Variants in CDH5 observed in about 807,000 individuals in gnomAD.
The protein encoded by CDH5 is cadherin 5.
Under a neutral mutation model 62.0 loss-of-function variants are expected in CDH5, and 28 were observed. The observed-to-expected ratio is 0.45, with a 90% CI of 0.33 to 0.62. CDH5 has a LOEUF of 0.62. Among genes scored for constraint, CDH5 ranks in the 20% least tolerant of loss-of-function variants. CDH5 has a pLI of 0.02. For missense variants in CDH5, 940 were observed against 1,065.1 expected, an observed-to-expected ratio of 0.88 and a Z score of 1.63; for synonymous variants, 464 against 445.8, an observed-to-expected ratio of 1.04 and a Z score of -0.52.
chr16:66,401,815 C>A (rs1238311741), intron 11 of CDH5, among the ~76,000 whole-genome samples: 2 of 152,184 alleles, frequency 1.3e-5, no homozygotes, highest in Non-Finnish European at 2.9e-5. Context: ...TTTCACTCGC[C>A]ATGAGACGCA....
chr16:66,398,299 G>A (rs1441672555), intron 9 of CDH5, among the ~76,000 whole-genome samples, 157 bp from the exon 10 acceptor site: 1 of 152,172 alleles, frequency 6.6e-6, no homozygotes, highest in Non-Finnish European at 1.5e-5. Context: ...GGGCAGGGAA[G>A]TAGAAAGAAT....
In CDH5 at chr16:66,398,576, A is replaced by G. The variant is rs748042198; in HGVS notation, c.1591+15A>G. On this transcript the variant is annotated intron_variant, in intron 10 of 11. Transcript: ENST00000341529. ...GGATAATCACGGTAGGCATCAAAGT[A>G]ATCAGTTCAGCTGGGCGTGATGACC... 4 of 1,345,560 alleles carry G rather than the reference A, an allele frequency of 3.0e-6. No individual in the cohort carries two copies. In the African/African-American group the frequency reaches 5.7e-5, roughly 19 times the overall value. The allele number at this position is 1,345,560 out of a possible 1,614,324, so 83.4% of individuals were successfully genotyped here. A position where few individuals can be genotyped will look rare whatever the true frequency, so the allele number is the denominator to read the frequency against.
intron 1 of CDH5, among the ~76,000 whole-genome samples, chr16:66,368,388 G>C (rs1048653939): frequency 3.3e-5 from 5 of 152,174 alleles, no homozygotes; most frequent in Admixed American, 6.5e-5. Flanking sequence ...GGTAGGGGAG[G>C]TGTATACTGG....
At chr16:66,377,557 A>C (rs963062541) in intron 1 of CDH5, 3 of 152,254 alleles carry the variant, frequency 2.0e-5, no homozygotes, top group Non-Finnish European at 4.4e-5. Flanking sequence ...AGAGTTTACA[A>C]ACCTCTTGTG....
chr16:66,397,410 T>C (rs1961204904), intron 8 of CDH5, among the ~76,000 whole-genome samples: 1 of 152,160 alleles, frequency 6.6e-6, no homozygotes. Context: ...TTTGTAGAGA[T>C]GGGGTCTCAC....
intron 1 of CDH5, among the ~76,000 whole-genome samples, chr16:66,374,904 C>T (rs1173751687): frequency 1.3e-5 from 2 of 152,046 alleles, no homozygotes; most frequent in South Asian, 2.1e-4. Context: ...CCCATTAACT[C>T]GTCATTTACA....
chr16:66,392,653 C>G (rs551086559), intron 7 of CDH5: 1 of 477,422 alleles, frequency 2.1e-6, no homozygotes, highest in African/African-American at 1.9e-5. Flanking sequence ...TGCACCACAG[C>G]TCTCACCAGT....
rs1394854924 is a variant in CDH5 at position 66,394,759 on chromosome 16, C to T, written c.1218-1300C>T. On this transcript the variant is annotated intron_variant, in intron 7 of 11. Transcript: ENST00000341529. The stretch of plus-strand genomic sequence containing the variant: ...TCAATAGTTTTGTTTTAATTCTTCC[C>T]ATGCCAGGTTTTTACTTTATATTGA... Among the ~76,000 whole-genome samples the T allele has an allele frequency of 1.5e-4, 22 of 149,540 alleles. No individual in the cohort carries two copies. The Admixed American group carries it at 1.5e-3, about 10-fold the overall frequency.
rs141532757 is a variant in CDH5, at chr16:66,402,819, G to A, written c.2005G>A (p.Gly669Ser). 1.3e-3 allele frequency: 2,080 copies of A among 1,599,142 alleles called. 5 individuals are homozygous for A. Among genetic ancestry groups the A allele is most frequent in the Non-Finnish European group, 1.7e-3 (1,973 of 1,173,728 alleles). The change falls in exon 12 of 12, where the codon GGC becomes AGC. Residue 669 changes from glycine (G) to serine (S), a missense_variant. Physicochemically the swap from Gly to Ser is moderately conservative, Grantham distance 56 (BLOSUM62 0). Coordinates refer to ENST00000341529, the MANE Select transcript of CDH5 (RefSeq NM_001795.5). ...DVSVLNSVRR[G>S]GAKPPRPALD... Reference sequence around the variant, plus strand: ...GTCGGTGCTCAACTCGGTGCGCCGCGGCGGGGCCAAGCCCCCGCGGCCCGC... The same window carrying A: ...GTCGGTGCTCAACTCGGTGCGCCGCAGCGGGGCCAAGCCCCCGCGGCCCGC...
In CDH5 at chr16:66,386,867, G is replaced by T. The variant is rs1017633480; in HGVS notation, c.269G>T (p.Gly90Val). Reference protein sequence around the residue: ...AKYLLKGEYVGKVFRVDAETG... With the variant: ...AKYLLKGEYVVKVFRVDAETG... ...TACCTGCTCAAAGGAGAATATGTGG[G>T]CAAGGTCTTCCGGGTCGATGCAGAG... The change falls in exon 3 of 12, where the codon GGC becomes GTC. Residue 90 changes from glycine to valine, a missense_variant. Coordinates refer to ENST00000341529, the MANE Select transcript of CDH5 (RefSeq NM_001795.5). 6 of 1,614,158 alleles carry T rather than the reference G, an allele frequency of 3.7e-6. No individual in the cohort carries two copies. The highest frequency in any genetic ancestry group is 5.1e-6 in the Non-Finnish European group (6 of 1,180,024).
intron 6 of CDH5, 48 bp from the exon 7 acceptor site, chr16:66,392,088 A>G: frequency 6.2e-7 from 1 of 1,610,880 alleles, no homozygotes; most frequent in Non-Finnish European, 8.5e-7. Flanking sequence ...TGTGCCACAC[A>G]CATGCTTGGC....
rs542570108 is a variant in CDH5, at chr16:66,367,439, A to G, written c.-20+681A>G. On this transcript the variant is annotated intron_variant, in intron 1 of 11. Coordinates refer to ENST00000341529, the MANE Select transcript of CDH5 (RefSeq NM_001795.5). ...TGGACAGCGGTCCACCATTCCTCCC[A>G]CCAGCACCCTTTCAAAGGCTAGAGC... is the stretch of plus-strand genomic sequence containing the variant. 1.8e-3 allele frequency among the ~76,000 whole-genome samples: 267 copies of G among 152,160 alleles called. 2 individuals are homozygous for G. The highest frequency in any genetic ancestry group is 6.2e-3 in the African/African-American group (257 of 41,498).
At chr16:66,395,103 G>C (rs1961156763) in intron 7 of CDH5, among the ~76,000 whole-genome samples, 1 of 123,338 alleles carries the variant, frequency 8.1e-6, no homozygotes, top group Admixed American at 1.0e-4. Context: ...GGCTGGGCTG[G>C]TCTTGAACTC....
At position 66,402,791 on chromosome 16, in the gene CDH5, T is replaced by G; in HGVS notation, c.1977T>G (p.Asp659Glu). ...GGGEMDTTSY[D>E]VSVLNSVRRG... ...GCGAGATGGACACCACCAGCTACGA[T>G]GTGTCGGTGCTCAACTCGGTGCGCC... Residue 659 changes from aspartate to glutamate, a missense_variant, in exon 12 of 12, where the codon GAT becomes GAG. By Grantham distance (45) the Asp-to-Glu change is conservative. Coordinates refer to ENST00000341529, the MANE Select transcript of CDH5 (RefSeq NM_001795.5). The G allele has an allele frequency of 6.2e-7, 1 of 1,605,500 alleles. No homozygotes were observed. The highest frequency in any genetic ancestry group is 1.3e-5 in the African/African-American group (1 of 74,896).
At position 66,388,351 on chromosome 16, in the gene CDH5, T is replaced by C. The variant is rs773473965; in HGVS notation, c.527T>C (p.Val176Ala). The stretch of plus-strand genomic sequence containing the variant: ...ACCTCAGTCATCTCTGTGACAGCAG[T>C]GGATGCAGACGACCCCACTGTGGGA... ...VGTSVISVTAVDADDPTVGDH... is the reference protein window; with the variant it reads ...VGTSVISVTAADADDPTVGDH... Residue 176 changes from valine to alanine, a missense_variant, in exon 4 of 12, where the codon GTG (valine) becomes GCG (alanine). By Grantham distance (64) the Val-to-Ala change is moderately conservative. Transcript: ENST00000341529. 1.2e-5 allele frequency: 20 copies of C among 1,613,706 alleles called. No homozygotes were observed. Among genetic ancestry groups the C allele is most frequent in the Middle Eastern group, 1.6e-4 (1 of 6,080 alleles).
rs1960864711 is a variant in CDH5, at chr16:66,379,985, ACGG to A, written c.210+439_210+441del. Among the ~76,000 whole-genome samples, 2 of 30,744 alleles carry A rather than the reference ACGG, an allele frequency of 6.5e-5. 1 individual carries two copies. Among genetic ancestry groups the A allele is most frequent in the Non-Finnish European group, 1.4e-4 (2 of 13,816 alleles). The allele number at this position is 30,744 out of a possible 152,430, so 20.2% of individuals were successfully genotyped here. A position where few individuals can be genotyped will look rare whatever the true frequency, so the allele number is the denominator to read the frequency against. ...AAAGGGGTAGGTGTTGGTGGTGATC[ACGG>A]TGATGGTGGTGATGATAAAGGGGTA... On this transcript the variant is annotated intron_variant, in intron 2 of 11. Transcript: ENST00000341529.
intron 1 of CDH5, chr16:66,377,281 A>C (rs886560136): frequency 2.0e-5 from 3 of 152,244 alleles, no homozygotes; most frequent in Non-Finnish European, 4.4e-5. Flanking sequence ...AAGGGCCTCA[A>C]GTCTCTTCCA....
At chr16:66,385,272 T>C (rs1045753136) in intron 2 of CDH5, among the ~76,000 whole-genome samples, 1 of 152,254 alleles carries the variant, frequency 6.6e-6, no homozygotes, top group Non-Finnish European at 1.5e-5. Flanking sequence ...GGCTCTATTA[T>C]TGATAATTAT....
intron 1 of CDH5, among the ~76,000 whole-genome samples, chr16:66,369,503 C>G (rs1361205646): frequency 6.6e-6 from 1 of 152,156 alleles, no homozygotes; most frequent in Non-Finnish European, 1.5e-5. Flanking sequence ...AAGAGATGAA[C>G]CCAAGGTCAC....
Sources: allele counts gnomAD v4.1 joint callset (sites outside exome capture counted in the v4.1 genomes callset), GRCh38; gene constraint gnomAD v4.1.1; transcripts MANE v1.5; gene names NCBI Gene and HGNC (gene_info 2026-07-23, HGNC 2026-07-21).